TMC5: variants seen among roughly 807,000 people sequenced by gnomAD.
TMC5 encodes transmembrane channel-like protein 5.
In TMC5, 86 loss-of-function variants were observed where a neutral mutation model predicts 110.5. That is an observed-to-expected ratio of 0.78 (90% CI 0.65 to 0.93). The LOEUF is 0.93. Among genes scored for constraint, TMC5 ranks in the 40% least tolerant of loss-of-function variants. TMC5 has a pLI of 0.00. For missense variants in TMC5, 1,144 were observed against 1,222.8 expected (o/e 0.94, Z 0.96); for synonymous variants, 455 against 439.5 (o/e 1.04, Z -0.44).
chr16:19,487,125 G>A, intron 16 of TMC5, 68 bp from the exon 17 acceptor site: 1 of 1,605,094 alleles, frequency 6.2e-7, no homozygotes, highest in South Asian at 1.1e-5. Flanking sequence ...CAGGAAGCCA[G>A]GCCTGGCTGG....
At chr16:19,434,312 A>G (rs1967279366) in intron 2 of TMC5, among the ~76,000 whole-genome samples, 1 of 119,736 alleles carries the variant, frequency 8.4e-6, no homozygotes, top group Admixed American at 1.1e-4. Context: ...TCTATATTAT[A>G]TATATAATAT....
chr16:19,491,080 G>A (rs982094930), intron 18 of TMC5, among the ~76,000 whole-genome samples: 2 of 151,352 alleles, frequency 1.3e-5, no homozygotes, highest in African/African-American at 4.9e-5. Context: ...GCATGGTCAT[G>A]GCTTGCTGCA....
intron 18 of TMC5, among the ~76,000 whole-genome samples, 185 bp from the exon 19 acceptor site, chr16:19,491,965 T>G (rs1265314588): frequency 6.6e-6 from 1 of 152,186 alleles, no homozygotes; most frequent in Non-Finnish European, 1.5e-5. Context: ...ATGGGCTTAT[T>G]TCCCCCTTCA....
At chr16:19,444,326 G>A in intron 4 of TMC5, 76 bp downstream of exon 4, 2 of 1,357,910 alleles carry the variant, frequency 1.5e-6, no homozygotes, top group Non-Finnish European at 2.0e-6. Flanking sequence ...AATCATTAAG[G>A]AGACTTGGCA....
At position 19,440,559 on chromosome 16, in the gene TMC5, G is replaced by A; in HGVS notation, c.521G>A (p.Gly174Glu). 1 of 1,614,092 alleles carries A rather than the reference G, an allele frequency of 6.2e-7. No individual in the cohort carries two copies. Among genetic ancestry groups the A allele is most frequent in the African/African-American group, 1.3e-5 (1 of 75,014 alleles). The change falls in exon 3 of 22, where the codon GGA becomes GAA. Residue 174 changes from glycine to glutamate, a missense_variant. Gly to Glu is a moderately conservative substitution (Grantham distance 98). Transcript: ENST00000542583. ...PGAQSNSDHP[G>E]PRANLNHPGS... ...GCTCAGAGCAACTCTGATCATCCTG[G>A]ACCCAGAGCCAATTTGAACCATCCA...
chr16:19,481,320 C>G, intron 14 of TMC5, 50 bp from the exon 15 acceptor site: 5 of 1,298,574 alleles, frequency 3.9e-6, no homozygotes, highest in Non-Finnish European at 5.6e-6. Context: ...GGGGGATCTT[C>G]TGAAAGTGGG....
At chr16:19,481,336 T>TG (rs759661840) in intron 14 of TMC5, 34 bp from the exon 15 acceptor site, 2 of 1,444,044 alleles carry the variant, frequency 1.4e-6, no homozygotes, top group Non-Finnish European at 2.0e-6. Flanking sequence ...GTGGGAGTTA[T>TG]GGTTTGGGTA....
At chr16:19,494,111 T>G (rs1766032905) in intron 19 of TMC5, 151 bp from the exon 20 acceptor site, 2 of 633,858 alleles carry the variant, frequency 3.2e-6, no homozygotes, top group Non-Finnish European at 5.6e-6. Context: ...GTTTCTTTTC[T>G]TTCACCAAAA....
intron 5 of TMC5, among the ~76,000 whole-genome samples, chr16:19,458,196 T>TTTTAA (rs1374900977): frequency 9.9e-5 from 15 of 152,232 alleles, no homozygotes; most frequent in Middle Eastern, 3.4e-3. Context: ...ATGCTGTTTC[T>TTTTAA]TTTAATTTAA....
intron 17 of TMC5, among the ~76,000 whole-genome samples, chr16:19,489,936 G>A (rs1213156253): frequency 6.6e-6 from 1 of 151,838 alleles, no homozygotes; most frequent in African/African-American, 2.4e-5. Flanking sequence ...CCACAGGCAT[G>A]TGCTGCCATG....
chr16:19,492,171 G>A lies in TMC5; in HGVS notation c.2769G>A (p.Trp923Ter), dbSNP rs750914708. ...CCAGAATCATCACCTATCTTTACTG[G>A]CAGATCACAGAGGGAAGGAAGATTA... ...LIVLIITYLY[W>*]QITEGRKIMI... The change falls in exon 19 of 22, where the codon TGG becomes TGA. Residue 923 changes from tryptophan to a stop codon, truncating the protein, a stop_gained. Coordinates refer to ENST00000542583, the MANE Select transcript of TMC5 (RefSeq NM_001261841.2). LOFTEE classifies it high-confidence loss of function. 1.2e-6 allele frequency: 2 copies of A among 1,612,820 alleles called. No individual in the cohort carries two copies. Among genetic ancestry groups the A allele is most frequent in the South Asian group, 1.1e-5 (1 of 91,016 alleles).
chr16:19,489,648 T>G (rs1392344368), intron 17 of TMC5, among the ~76,000 whole-genome samples: 2 of 149,128 alleles, frequency 1.3e-5, no homozygotes, highest in Admixed American at 1.3e-4. Context: ...TGGCTAATTT[T>G]TTTTTTTTTT....
chr16:19,486,935 T>C lies in TMC5; in HGVS notation c.2364-10T>C, dbSNP rs1371409873. On this transcript the variant is annotated splice_polypyrimidine_tract_variant and intron_variant, in intron 15 of 21. Transcript: ENST00000542583. ...GCCAGCCTCTGACACTCACCCTCTC[T>C]CCCTCACAGGATTGGCATCTTCTTC... 7.4e-6 allele frequency: 12 copies of C among 1,613,278 alleles called. No homozygotes were observed. In the East Asian group the frequency reaches 1.8e-4, roughly 24 times the overall value.
intron 17 of TMC5, among the ~76,000 whole-genome samples, chr16:19,488,302 G>C (rs1300627937): frequency 6.6e-6 from 1 of 152,158 alleles, no homozygotes; most frequent in African/African-American, 2.4e-5. Flanking sequence ...AAGCCAGGGA[G>C]GGAATGCATC....
At chr16:19,460,085 T>C (rs1967983317) in intron 5 of TMC5, 150 bp from the exon 6 acceptor site, 1 of 522,068 alleles carries the variant, frequency 1.9e-6, no homozygotes, top group African/African-American at 1.9e-5. Context: ...ATATATGTGT[T>C]TTTTTTGTTG....
chr16:19,414,496 A>G (rs1268714871), upstream of TMC5, among the ~76,000 whole-genome samples: 2 of 152,170 alleles, frequency 1.3e-5, no homozygotes, highest in Non-Finnish European at 2.9e-5. Context: ...GTAATAATAC[A>G]GATTATTTTT....
chr16:19,489,636 C>A (rs1212937287), intron 17 of TMC5, among the ~76,000 whole-genome samples: 6 of 141,288 alleles, frequency 4.2e-5, no homozygotes, highest in East Asian at 2.1e-4. Context: ...GCCTGGCATG[C>A]CTGGCTAATT....
chr16:19,440,846 C>G lies in TMC5; in HGVS notation c.788+20C>G. The G allele has an allele frequency of 6.3e-7, 1 of 1,597,862 alleles. No individual in the cohort carries two copies. The highest frequency in any genetic ancestry group is 8.5e-7 in the Non-Finnish European group (1 of 1,171,396). ...CAGGGGGTAAGTTCAGATATATATC[C>G]CTTCACTGGGAGTGGATGCTGAGTG... On this transcript the variant is annotated intron_variant, in intron 3 of 21. Transcript: ENST00000542583.
At chr16:19,486,681 T>TA (rs1968750360) in intron 15 of TMC5, among the ~76,000 whole-genome samples, 1 of 152,040 alleles carries the variant, frequency 6.6e-6, no homozygotes, top group South Asian at 2.1e-4. Flanking sequence ...CCTGGCCTCC[T>TA]AATCTCTTCT....
Sources: gnomAD v4.1 joint callset for allele counts (sites outside exome capture counted in the v4.1 genomes callset) on GRCh38, gnomAD v4.1.1 for gene constraint, MANE v1.5 for transcripts, NCBI Gene and HGNC (gene_info 2026-07-23, HGNC 2026-07-21) for gene names.